Variants in SGMS1 observed in about 807,000 individuals in gnomAD.
SGMS1 encodes sphingomyelin synthase 1, also known as phosphatidylcholine:ceramide cholinephosphotransferase 1.
In SGMS1, 13 loss-of-function variants were observed where a neutral mutation model predicts 46.2. The observed-to-expected ratio is 0.28, with a 90% CI of 0.18 to 0.45. The LOEUF is 0.45. SGMS1 is among the 20% of genes least tolerant of loss of function. SGMS1 has a pLI of 1.00. For synonymous variants in SGMS1, 203 were observed against 187.8 expected (o/e 1.08, Z -0.66); for missense variants, 324 against 519.9 (o/e 0.62, Z 3.66).
intron 5 of SGMS1, among the ~76,000 whole-genome samples, chr10:50,442,940 G>C (rs1422767154): frequency 2.0e-5 from 3 of 152,122 alleles, no homozygotes; most frequent in Non-Finnish European, 2.9e-5. Context: ...ATCTTTGCCT[G>C]TGCCTATTTT....
intron 6 of SGMS1, among the ~76,000 whole-genome samples, chr10:50,367,416 G>A (rs909268900): frequency 5.9e-5 from 9 of 152,240 alleles, no homozygotes; most frequent in African/African-American, 2.2e-4. Context: ...ACATGCAAAG[G>A]GATAAATTCT....
At chr10:50,517,941 C>G (rs1837820141) in intron 3 of SGMS1, among the ~76,000 whole-genome samples, 1 of 151,800 alleles carries the variant, frequency 6.6e-6, no homozygotes, top group Non-Finnish European at 1.5e-5. Context: ...ATTTCAGAAA[C>G]CAAAATTGAG....
At chr10:50,409,408 G>A (rs545147169) in intron 6 of SGMS1, among the ~76,000 whole-genome samples, 3 of 152,210 alleles carry the variant, frequency 2.0e-5, no homozygotes, top group Non-Finnish European at 4.4e-5. Flanking sequence ...TTTATTCCCT[G>A]AACTGTTCCT....
At chr10:50,624,732 C>T, upstream of SGMS1, 1 of 985,424 alleles carries the variant, frequency 1.0e-6, no homozygotes, top group Non-Finnish European at 1.2e-6. Flanking sequence ...CTCTGCTCCC[C>T]GAGCGAAGCC....
At position 50,408,911 on chromosome 10, in the gene SGMS1, C is replaced by T. The variant is rs566515589; in HGVS notation, c.-232+24565G>A. Among the ~76,000 whole-genome samples, 3 of 152,156 alleles carry T rather than the reference C, an allele frequency of 2.0e-5. No homozygotes were observed. In the East Asian group the frequency reaches 5.8e-4, roughly 29 times the overall value. ...AAACAAAAAAAGATTATAACAACCC[C>T]TAGCCTGCCTGACCTCCCTCCTGCT... On this transcript the variant is annotated intron_variant, in intron 6 of 10. Transcript: ENST00000361781.
At chr10:50,341,031 T>C (rs184368631) in intron 7 of SGMS1, among the ~76,000 whole-genome samples, 246 of 152,184 alleles carry the variant, frequency 1.6e-3, no homozygotes, top group African/African-American at 5.1e-3. Context: ...CTAGTGGAGA[T>C]TGGGGATGGG....
intron 6 of SGMS1, among the ~76,000 whole-genome samples, chr10:50,422,966 C>G (rs530833456): frequency 1.1e-4 from 17 of 152,352 alleles, no homozygotes; most frequent in African/African-American, 3.8e-4. Flanking sequence ...TCTCAAAAGG[C>G]TGTGTCTGTC....
At chr10:50,559,747 G>C (rs934237857) in intron 2 of SGMS1, among the ~76,000 whole-genome samples, 2 of 152,128 alleles carry the variant, frequency 1.3e-5, no homozygotes. Flanking sequence ...GGCTTGAAGT[G>C]GGTGGCTAAC....
chr10:50,582,118 T>C (rs1420104919), intron 2 of SGMS1, among the ~76,000 whole-genome samples: 1 of 152,152 alleles, frequency 6.6e-6, no homozygotes, highest in Non-Finnish European at 1.5e-5. Context: ...GCACCAAAAT[T>C]GTGTTTTCTG....
chr10:50,480,678 C>T (rs915358903), intron 3 of SGMS1, among the ~76,000 whole-genome samples: 6 of 152,150 alleles, frequency 3.9e-5, no homozygotes, highest in African/African-American at 9.7e-5. Flanking sequence ...GGCCTTGAGT[C>T]CCAAACACAG....
At chr10:50,427,270 G>A (rs1849339205) in intron 6 of SGMS1, among the ~76,000 whole-genome samples, 1 of 152,078 alleles carries the variant, frequency 6.6e-6, no homozygotes, top group South Asian at 2.1e-4. Flanking sequence ...GTGGTGGCGG[G>A]CGCCTGTAGT....
At chr10:50,622,897 G>A (rs1412608384) in intron 1 of SGMS1, among the ~76,000 whole-genome samples, 3 of 152,258 alleles carry the variant, frequency 2.0e-5, no homozygotes, top group Non-Finnish European at 2.9e-5. Context: ...AGCCGCTGCT[G>A]CTGCTGTTTT....
At chr10:50,442,187 T>A (rs1490008237) in intron 5 of SGMS1, among the ~76,000 whole-genome samples, 9 of 151,588 alleles carry the variant, frequency 5.9e-5, no homozygotes, top group Admixed American at 5.9e-4. Context: ...GCTGTAGATT[T>A]TTTTTTTTTT....
At chr10:50,580,320 A>G (rs1838421262) in intron 2 of SGMS1, among the ~76,000 whole-genome samples, 1 of 152,142 alleles carries the variant, frequency 6.6e-6, no homozygotes, top group African/African-American at 2.4e-5. Flanking sequence ...TTAAAAAGAG[A>G]CGATGATTAC....
At chr10:50,545,496 G>A (rs1838093553) in intron 2 of SGMS1, among the ~76,000 whole-genome samples, 2 of 152,168 alleles carry the variant, frequency 1.3e-5, no homozygotes. Flanking sequence ...GAGTGCAGTG[G>A]TGTGATCTCG....
intron 6 of SGMS1, among the ~76,000 whole-genome samples, chr10:50,352,855 C>G (rs934456764): frequency 1.3e-5 from 2 of 152,008 alleles, no homozygotes; most frequent in Non-Finnish European, 2.9e-5. Context: ...GAATAAATTC[C>G]CCGACACATA....
intron 6 of SGMS1, among the ~76,000 whole-genome samples, chr10:50,372,060 G>T (rs2133447073): frequency 6.6e-6 from 1 of 152,304 alleles, no homozygotes; most frequent in South Asian, 2.1e-4. Context: ...CTTGCTGAAT[G>T]TCTTTCTGCC....
chr10:50,446,419 T>C (rs966712149), intron 5 of SGMS1, among the ~76,000 whole-genome samples: 2 of 151,960 alleles, frequency 1.3e-5, no homozygotes, highest in African/African-American at 4.8e-5. Context: ...TTAGGGAAAA[T>C]AGAAAAGGAC....
chr10:50,312,558 CTT>C (rs1847273306), intron 8 of SGMS1, among the ~76,000 whole-genome samples: 1 of 152,074 alleles, frequency 6.6e-6, no homozygotes, highest in African/African-American at 2.4e-5. Context: ...TAGAATAAGA[CTT>C]TTCAAAAGCC....
Sources: allele counts gnomAD v4.1 joint callset (sites outside exome capture counted in the v4.1 genomes callset), GRCh38; gene constraint gnomAD v4.1.1; transcripts MANE v1.5; gene names NCBI Gene and HGNC (gene_info 2026-07-23, HGNC 2026-07-21).